Variants in MYO5B observed in about 807,000 individuals in gnomAD.
MYO5B encodes myosin VB, also known as unconventional myosin-Vb.
Under a neutral mutation model 229.3 loss-of-function variants are expected in MYO5B, and 143 were observed. The observed-to-expected ratio is 0.62, with a 90% CI of 0.54 to 0.72. The LOEUF is 0.72. Ranked by LOEUF, MYO5B falls within the 30% of genes least tolerant of loss-of-function variation. MYO5B has a pLI of 0.00. For synonymous variants in MYO5B, 918 were observed against 885.2 expected, an observed-to-expected ratio of 1.04 and a Z score of -0.66; for missense variants, 2,321 against 2,331.0, an observed-to-expected ratio of 1.00 and a Z score of 0.09.
chr18:49,995,044 A>G (rs2025972366), intron 5 of MYO5B, among the ~76,000 whole-genome samples: 1 of 152,138 alleles, frequency 6.6e-6, no homozygotes, highest in South Asian at 2.1e-4. Flanking sequence ...CATGCTAGGA[A>G]GTGGCAACCC....
intron 32 of MYO5B, among the ~76,000 whole-genome samples, chr18:49,848,624 G>A (rs1347507128): frequency 2.0e-5 from 3 of 152,182 alleles, no homozygotes; most frequent in Non-Finnish European, 4.4e-5. Context: ...AAGCTACTAA[G>A]CAATCTGGGA....
chr18:50,068,986 G>C (rs1200048595), intron 1 of MYO5B, among the ~76,000 whole-genome samples: 2 of 152,116 alleles, frequency 1.3e-5, no homozygotes, highest in African/African-American at 2.4e-5. Context: ...TAATCAGAGA[G>C]ACCATAGAAG....
chr18:49,950,203 C>T (rs1401132764), intron 14 of MYO5B, among the ~76,000 whole-genome samples: 1 of 152,184 alleles, frequency 6.6e-6, no homozygotes, highest in African/African-American at 2.4e-5. Context: ...CCAACATCAC[C>T]ACATCTCAGG....
chr18:50,059,014 T>C (rs1046049161), intron 1 of MYO5B, among the ~76,000 whole-genome samples: 1 of 152,160 alleles, frequency 6.6e-6, no homozygotes, highest in African/African-American at 2.4e-5. Context: ...TACCCAACCA[T>C]AAGCTGCCAC....
chr18:50,017,009 A>G (rs1039341389), intron 4 of MYO5B, among the ~76,000 whole-genome samples: 3 of 150,506 alleles, frequency 2.0e-5, no homozygotes, highest in African/African-American at 4.9e-5. Context: ...CATCCCTTAC[A>G]TTAATCTACT....
Position 50,002,018 on chromosome 18 carries a change from A to G in MYO5B, c.456-607T>C, listed in dbSNP as rs1284333971. 2.1e-5 allele frequency among the ~76,000 whole-genome samples: 3 copies of G among 139,616 alleles called. No homozygotes were observed. The East Asian group carries it at 6.4e-4, about 30-fold the overall frequency. 91.6% of individuals were successfully genotyped at this position (139,616 alleles called of 152,430 possible). A position where few individuals can be genotyped will look rare whatever the true frequency, so the allele number is the denominator to read the frequency against. On this transcript the variant is annotated intron_variant, in intron 4 of 39. Coordinates refer to ENST00000285039, the MANE Select transcript of MYO5B (RefSeq NM_001080467.3). Reference sequence around the variant, plus strand: ...GCCACTGCACTCCAGCGTGGGCAACAGAGCAAAACTCCGTCTCAAAAAAAA... The same window carrying G: ...GCCACTGCACTCCAGCGTGGGCAACGGAGCAAAACTCCGTCTCAAAAAAAA...
intron 14 of MYO5B, 101 bp downstream of exon 14, chr18:49,953,159 G>C (rs934540717): frequency 9.0e-7 from 1 of 1,113,274 alleles, no homozygotes; most frequent in Non-Finnish European, 1.4e-6. Flanking sequence ...TCCCTGCCCA[G>C]CATCTCTGTC....
intron 3 of MYO5B, among the ~76,000 whole-genome samples, chr18:50,038,856 A>G (rs1405342353): frequency 6.6e-6 from 1 of 152,212 alleles, no homozygotes; most frequent in Non-Finnish European, 1.5e-5. Flanking sequence ...TGAAGTAAAT[A>G]TCTTATTAAA....
In MYO5B at chr18:50,133,818, G is replaced by A. The variant is rs563801543; in HGVS notation, c.27+60949C>T. ...TTCATCAGCTCTCCAGGTGATTCTA[G>A]ATGCAAAGTTTGAGAACCATATGGC... is the stretch of plus-strand genomic sequence containing the variant. On this transcript the variant is annotated intron_variant, in intron 1 of 39. Transcript: ENST00000285039. Among the ~76,000 whole-genome samples, 21 of 152,254 alleles carry A rather than the reference G, an allele frequency of 1.4e-4. 1 individual carries two copies. In the South Asian group the frequency reaches 4.4e-3, roughly 32 times the overall value.
intron 1 of MYO5B, among the ~76,000 whole-genome samples, chr18:50,168,560 T>C (rs2032886007): frequency 6.6e-6 from 1 of 152,138 alleles, no homozygotes. Context: ...TCAGAGACAT[T>C]GGTACCATCC....
intron 1 of MYO5B, among the ~76,000 whole-genome samples, chr18:50,089,234 C>T (rs1469736080): frequency 4.6e-5 from 7 of 151,910 alleles, no homozygotes; most frequent in South Asian, 2.1e-4. Context: ...AAAAATTAGC[C>T]GGAAGTGGTG....
At position 49,846,701 on chromosome 18, in the gene MYO5B, G is replaced by C. The variant is rs145822323; in HGVS notation, c.4459+445C>G. Among the ~76,000 whole-genome samples, 586 of 152,246 alleles carry C rather than the reference G, an allele frequency of 3.8e-3. 2 individuals carry two copies. Among genetic ancestry groups the C allele is most frequent in the Non-Finnish European group, 5.8e-3 (394 of 68,014 alleles). ...CTCTGTTTCCTTCAGTGTAAAATGA[G>C]AAAGCAGCAGTTCTGACTTAAAGGG... On this transcript the variant is annotated intron_variant, in intron 33 of 39. Transcript: ENST00000285039.
intron 1 of MYO5B, among the ~76,000 whole-genome samples, chr18:50,181,230 T>C (rs1568135551): frequency 6.6e-6 from 1 of 152,264 alleles, no homozygotes; most frequent in Non-Finnish European, 1.5e-5. Context: ...TAAGTGGAAC[T>C]ATAAATCAGC....
In MYO5B at chr18:49,825,980, C is replaced by T; in HGVS notation, c.*491G>A. On this transcript the variant is annotated 3_prime_UTR_variant, in exon 40 of 40. Coordinates refer to ENST00000285039, the MANE Select transcript of MYO5B (RefSeq NM_001080467.3). The stretch of plus-strand genomic sequence containing the variant: ...TATTTTTGTTCTTAAAACATCTCAC[C>T]ACAAACTCAACCACACCTATGGTTT... 6.1e-6 allele frequency: 1 copy of T among 164,868 alleles called. No homozygotes were observed. The highest frequency in any genetic ancestry group is 1.6e-4 in the South Asian group (1 of 6,314). 10.2% of individuals were successfully genotyped at this position (164,868 alleles called of 1,614,324 possible).
At chr18:50,057,191 T>C (rs2030571460) in intron 1 of MYO5B, among the ~76,000 whole-genome samples, 2 of 152,236 alleles carry the variant, frequency 1.3e-5, no homozygotes, top group Non-Finnish European at 2.9e-5. Flanking sequence ...TTCTCCACTA[T>C]GGCTTAAGTC....
intron 1 of MYO5B, among the ~76,000 whole-genome samples, chr18:50,123,685 G>A (rs1289207883): frequency 2.0e-5 from 3 of 152,280 alleles, no homozygotes; most frequent in Middle Eastern, 3.4e-3. Context: ...CCAGGCCTGG[G>A]TGACAGGGCA....
chr18:50,043,526 AAT>A (rs1195018421), intron 2 of MYO5B, among the ~76,000 whole-genome samples: 4 of 113,236 alleles, frequency 3.5e-5, no homozygotes, highest in Non-Finnish European at 5.2e-5. Context: ...TAAGTATATA[AAT>A]ATATTTTATA....
chr18:50,053,301 G>C (rs2030452387), intron 2 of MYO5B, among the ~76,000 whole-genome samples: 1 of 152,196 alleles, frequency 6.6e-6, no homozygotes, highest in African/African-American at 2.4e-5. Flanking sequence ...GCAGGGGAAG[G>C]AGGAGATGGG....
Position 49,995,257 on chromosome 18 carries a change from CT to C in MYO5B, c.613-2827del, listed in dbSNP as rs34197598. On this transcript the variant is annotated intron_variant, in intron 5 of 39. Coordinates refer to ENST00000285039, the MANE Select transcript of MYO5B (RefSeq NM_001080467.3). Reference sequence around the variant, plus strand: ...ATAGATATTAATCCTCACTTATATCCTTTTTTTTTTTTTTTGAGATGGAGTC... The same window carrying C: ...ATAGATATTAATCCTCACTTATATCCTTTTTTTTTTTTTTGAGATGGAGTC... 2.8e-3 allele frequency among the ~76,000 whole-genome samples: 389 copies of C among 137,454 alleles called. 4 individuals carry two copies. The highest frequency in any genetic ancestry group is 0.023 in the Admixed American group (312 of 13,526). The allele number at this position is 137,454 out of a possible 152,430, so 90.2% of individuals were successfully genotyped here.
Sources: allele counts gnomAD v4.1 joint callset (sites outside exome capture counted in the v4.1 genomes callset), GRCh38; gene constraint gnomAD v4.1.1; transcripts MANE v1.5; gene names NCBI Gene and HGNC (gene_info 2026-07-23, HGNC 2026-07-21).